Variants in STXBP4 observed in about 807,000 individuals in gnomAD.
The protein encoded by STXBP4 is syntaxin binding protein 4, also known as syntaxin-binding protein 4.
Under a neutral mutation model 76.1 loss-of-function variants are expected in STXBP4, and 55 were observed. That is an observed-to-expected ratio of 0.72 (90% CI 0.58 to 0.91). The LOEUF (loss-of-function observed/expected upper bound fraction) is 0.91. STXBP4 is among the 40% of genes least tolerant of loss of function. The pLI, the probability that STXBP4 is intolerant of heterozygous loss-of-function variation, is 0.00. For synonymous variants in STXBP4, 201 were observed against 220.2 expected, an observed-to-expected ratio of 0.91 and a Z score of 0.77; for missense variants, 618 against 636.9, an observed-to-expected ratio of 0.97 and a Z score of 0.32.
chr17:55,211,885 G>A, the STXBP4 span, among the ~76,000 whole-genome samples: 54 of 131,744 alleles, frequency 4.1e-4, no homozygotes, highest in African/African-American at 1.1e-3. Context: ...ATCTTGGCTC[G>A]CTGCAACCTC....
At chr17:55,208,803 T>C in the STXBP4 span, among the ~76,000 whole-genome samples, 1 of 152,048 alleles carries the variant, frequency 6.6e-6, no homozygotes, top group African/African-American at 2.4e-5. Context: ...ATTTTAAGGC[T>C]AGGCACGGTG....
chr17:55,011,614 T>C (rs530774036), intron 8 of STXBP4, among the ~76,000 whole-genome samples: 1 of 150,040 alleles, frequency 6.7e-6, no homozygotes, highest in Admixed American at 6.7e-5. Flanking sequence ...TGAGTTTATA[T>C]CCCGATCATT....
intron 12 of STXBP4, among the ~76,000 whole-genome samples, chr17:55,064,392 G>A (rs1279010914): frequency 2.0e-5 from 3 of 151,890 alleles, no homozygotes; most frequent in Admixed American, 6.6e-5. Context: ...CTTAATCACT[G>A]TTTTTCCCCT....
intron 15 of STXBP4, among the ~76,000 whole-genome samples, chr17:55,080,756 G>A (rs1238513961): frequency 6.6e-6 from 1 of 151,986 alleles, no homozygotes; most frequent in Non-Finnish European, 1.5e-5. Context: ...CAAAAGAGAA[G>A]CACTCACAAA....
chr17:55,086,565 A>G (rs1029094979), intron 16 of STXBP4, among the ~76,000 whole-genome samples: 6 of 152,102 alleles, frequency 3.9e-5, no homozygotes, highest in African/African-American at 9.7e-5. Context: ...GTGTCCTTCC[A>G]GTCTCTAGTA....
At chr17:55,133,850 A>G (rs917983282) in intron 16 of STXBP4, among the ~76,000 whole-genome samples, 3 of 152,238 alleles carry the variant, frequency 2.0e-5, no homozygotes, top group African/African-American at 7.2e-5. Context: ...ACTAGAGTTG[A>G]TTTAAAAGAG....
At chr17:54,975,305 CT>C (rs2077456919) in intron 1 of STXBP4, among the ~76,000 whole-genome samples, 1 of 152,084 alleles carries the variant, frequency 6.6e-6, no homozygotes, top group Admixed American at 6.5e-5. Context: ...CCATGCCCTG[CT>C]AAAAATTCTT....
chr17:55,205,442 T>C, the STXBP4 span, among the ~76,000 whole-genome samples: 1 of 152,104 alleles, frequency 6.6e-6, no homozygotes, highest in Non-Finnish European at 1.5e-5. Context: ...CAGATTTGTC[T>C]ACATTATATA....
At chr17:55,210,042 A>C in the STXBP4 span, among the ~76,000 whole-genome samples, 1 of 152,230 alleles carries the variant, frequency 6.6e-6, no homozygotes, top group Non-Finnish European at 1.5e-5. Context: ...AGGCATGTTC[A>C]TGTCTGCGTG....
chr17:55,005,577 G>A (rs1008785916), intron 7 of STXBP4, among the ~76,000 whole-genome samples: 1 of 152,318 alleles, frequency 6.6e-6, no homozygotes, highest in Admixed American at 6.5e-5. Flanking sequence ...ATTCCTCAGT[G>A]TGTCAGTGTT....
rs529792365 is a variant in STXBP4 at position 55,167,850 on chromosome 17, G to C, written c.*7939G>C. On this transcript the variant is annotated 3_prime_UTR_variant, in exon 18 of 18. Transcript: ENST00000376352. The stretch of plus-strand genomic sequence containing the variant: ...CAGTGGAGAAATTCATCTTTCATCA[G>C]CACACACGAGAAGAGACAACAGGAA... 1 of 152,152 alleles carries C rather than the reference G, an allele frequency of 6.6e-6. No individual in the cohort carries two copies. The allele number at this position is 152,152 out of a possible 1,614,324, so 9.4% of individuals were successfully genotyped here.
chr17:55,182,194 A>G, the STXBP4 span, among the ~76,000 whole-genome samples: 3 of 152,186 alleles, frequency 2.0e-5, no homozygotes, highest in Non-Finnish European at 4.4e-5. Flanking sequence ...AGTTCTAGAT[A>G]ATGGAATTAT....
chr17:54,974,878 T>C (rs2077449541), intron 1 of STXBP4, among the ~76,000 whole-genome samples: 1 of 152,176 alleles, frequency 6.6e-6, no homozygotes, highest in Admixed American at 6.5e-5. Flanking sequence ...TATATGCAAA[T>C]TAAGGGACAG....
At chr17:55,018,232 C>T (rs569976894) in intron 8 of STXBP4, among the ~76,000 whole-genome samples, 1 of 152,272 alleles carries the variant, frequency 6.6e-6, no homozygotes, top group South Asian at 2.1e-4. Context: ...GGGCGCTTAG[C>T]CGTGCAGGAA....
At chr17:55,087,424 T>G (rs894482216) in intron 16 of STXBP4, among the ~76,000 whole-genome samples, 7 of 152,336 alleles carry the variant, frequency 4.6e-5, no homozygotes, top group African/African-American at 1.7e-4. Flanking sequence ...AGGTCTTTGC[T>G]TCATTTTGAG....
chr17:54,992,588 T>C (rs542506605), intron 4 of STXBP4, among the ~76,000 whole-genome samples: 3 of 151,702 alleles, frequency 2.0e-5, no homozygotes, highest in Non-Finnish European at 4.4e-5. Flanking sequence ...AGCTGAGAGG[T>C]GTGTGTGAGT....
chr17:55,205,543 GCA>G, the STXBP4 span, among the ~76,000 whole-genome samples: 496 of 148,458 alleles, frequency 3.3e-3, 7 homozygotes, highest in South Asian at 0.04. Context: ...GCAGACAAAT[GCA>G]CACACACACA....
chr17:55,180,405 C>A, the STXBP4 span, among the ~76,000 whole-genome samples: 1 of 152,192 alleles, frequency 6.6e-6, no homozygotes, highest in Non-Finnish European at 1.5e-5. Flanking sequence ...TCAAACGATA[C>A]TCTGTGAAGC....
At chr17:54,976,980 T>G (rs1187615691) in intron 1 of STXBP4, among the ~76,000 whole-genome samples, 4 of 152,290 alleles carry the variant, frequency 2.6e-5, no homozygotes, top group East Asian at 1.9e-4. Context: ...ATTTTTTCCC[T>G]GCCATATAAG....
Sources: allele counts gnomAD v4.1 joint callset (sites outside exome capture counted in the v4.1 genomes callset), GRCh38; gene constraint gnomAD v4.1.1; transcripts MANE v1.5; gene names NCBI Gene and HGNC (gene_info 2026-07-23, HGNC 2026-07-21).